Variants in CYREN observed in about 807,000 individuals in gnomAD.
CYREN encodes the protein cell cycle regulator of NHEJ.
CYREN carries 7 observed loss-of-function variants against 9.7 expected under a neutral mutation model. That is an observed-to-expected ratio of 0.72 (90% CI 0.41 to 1.36). CYREN has a LOEUF of 1.36. CYREN is among the 40% of genes most tolerant of loss of function. The pLI is 0.01. For missense variants in CYREN, 215 were observed against 198.1 expected (o/e 1.09, Z -0.51); for synonymous variants, 76 against 77.9 (o/e 0.98, Z 0.13).
intron 2 of CYREN, among the ~76,000 whole-genome samples, chr7:135,096,327 A>T (rs557085277): frequency 6.6e-6 from 1 of 151,918 alleles, no homozygotes; most frequent in Non-Finnish European, 1.5e-5. Context: ...TGTCACCAAA[A>T]AAGAAAAAGA....
At chr7:135,161,789 G>T (rs991298236), downstream of CYREN, among the ~76,000 whole-genome samples, 1 of 152,156 alleles carries the variant, frequency 6.6e-6, no homozygotes, top group African/African-American at 2.4e-5. This position sits in a 1 kb window ranked among gnomAD's most constrained non-coding sequence, Gnocchi z 4.1. Context: ...CTTTGACAGT[G>T]CCACCCAAGG....
At chr7:135,147,309 C>A (rs981398107) in intron 2 of CYREN, among the ~76,000 whole-genome samples, 1 of 152,070 alleles carries the variant, frequency 6.6e-6, no homozygotes, top group Admixed American at 6.6e-5. Flanking sequence ...GAACTAGGGG[C>A]AGGGGGAGGG....
At chr7:135,097,349 A>G (rs1329387633) in intron 2 of CYREN, among the ~76,000 whole-genome samples, 1 of 152,108 alleles carries the variant, frequency 6.6e-6, no homozygotes, top group African/African-American at 2.4e-5. Context: ...AAAAATCCCC[A>G]TGGCTTTTAG....
chr7:135,151,050 G>C lies in CYREN; in HGVS notation n.356+17699C>G, dbSNP rs898454579. Among the ~76,000 whole-genome samples the C allele has an allele frequency of 6.6e-6, 1 of 152,204 alleles. No homozygotes were observed. On this transcript the variant is annotated intron_variant and non_coding_transcript_variant, in intron 2 of 2. Coordinates refer to the CYREN transcript ENST00000459937. This position sits in a 1 kb window ranked among gnomAD's most constrained non-coding sequence, Gnocchi z 4.3. ...ATTTAAACAGCTATCTCAATGGCTT[G>C]TCATCTGGGTGCCTGGACTCATGCT... is the stretch of plus-strand genomic sequence containing the variant.
chr7:135,167,341 T>G, intron 3 of CYREN: 1 of 1,083,508 alleles, frequency 9.2e-7, no homozygotes, highest in East Asian at 6.9e-5. Context: ...TGCAGGAAGC[T>G]AGGAAGCTCA....
rs189972206 is a variant in CYREN at position 135,099,460 on chromosome 7, A to G, written n.357-4878T>C. 3.0e-4 allele frequency among the ~76,000 whole-genome samples: 46 copies of G among 152,312 alleles called. 1 individual carries two copies. Among genetic ancestry groups the G allele is most frequent in the Admixed American group, 1.8e-3 (28 of 15,304 alleles). On this transcript the variant is annotated intron_variant and non_coding_transcript_variant, in intron 2 of 2. Coordinates refer to the CYREN transcript ENST00000459937. Reference sequence around the variant, plus strand: ...TATGAAGTAATTGTCAAGAAAGTTAAAAATTAAGTTTTATTGATTTTTAAG... The same window carrying G: ...TATGAAGTAATTGTCAAGAAAGTTAGAAATTAAGTTTTATTGATTTTTAAG...
chr7:135,168,306 C>CCCCCCCT (rs1830374323), intron 2 of CYREN: 1 of 89,720 alleles, frequency 1.1e-5, no homozygotes, highest in African/African-American at 4.2e-5. Context: ...CCCCCCGCCC[C>CCCCCCCT]CCCCCGGCAA....
At chr7:135,141,771 G>T (rs1266426727) in intron 2 of CYREN, among the ~76,000 whole-genome samples, 2 of 152,070 alleles carry the variant, frequency 1.3e-5, no homozygotes, top group East Asian at 3.9e-4. Flanking sequence ...TAGTTTCAAA[G>T]AATTTCTTGA....
At chr7:135,171,336 A>G (rs1304025221), upstream of CYREN, among the ~76,000 whole-genome samples, 4 of 135,420 alleles carry the variant, frequency 3.0e-5, no homozygotes, top group Non-Finnish European at 4.8e-5. Context: ...TAAAAAAAAA[A>G]GGAAGTGAAA....
chr7:135,134,816 T>G, intron 2 of CYREN: 2 of 1,541,806 alleles, frequency 1.3e-6, no homozygotes, highest in Non-Finnish European at 1.8e-6. Context: ...TGGACAAAAA[T>G]TCACGTATTT....
chr7:135,123,048 G>T (rs181253898), intron 2 of CYREN, among the ~76,000 whole-genome samples: 1 of 151,680 alleles, frequency 6.6e-6, no homozygotes, highest in African/African-American at 2.4e-5. Flanking sequence ...GGATGAGACA[G>T]ACAAATTGAC....
At chr7:135,135,382 T>C (rs1585324877) in intron 2 of CYREN, 2 of 792,518 alleles carry the variant, frequency 2.5e-6, no homozygotes, top group East Asian at 3.0e-5. Context: ...CACATGCATA[T>C]GCATAAACTA....
chr7:135,169,779 C>T (rs1830512975), intron 1 of CYREN, among the ~76,000 whole-genome samples: 1 of 152,216 alleles, frequency 6.6e-6, no homozygotes, highest in South Asian at 2.1e-4. Flanking sequence ...ACTTAGGAAT[C>T]AAGCCAGAAG....
At chr7:135,103,892 T>G (rs896799309) in intron 2 of CYREN, among the ~76,000 whole-genome samples, 6 of 152,182 alleles carry the variant, frequency 3.9e-5, no homozygotes, top group African/African-American at 1.4e-4. Flanking sequence ...TTTTTTTTAA[T>G]GTAAGGATGT....
At chr7:135,172,452 A>G (rs1830700452), upstream of CYREN, among the ~76,000 whole-genome samples, 1 of 103,494 alleles carries the variant, frequency 9.7e-6, no homozygotes, top group African/African-American at 3.4e-5. Flanking sequence ...GTGTGGTGTG[A>G]GCGTGGTATT....
At chr7:135,165,015 C>A (rs374720338), downstream of CYREN, 11 of 1,558,220 alleles carry the variant, frequency 7.1e-6, no homozygotes, top group Non-Finnish European at 9.6e-6. Flanking sequence ...TACGTGATTG[C>A]AAGGGTTCAG....
chr7:135,154,459 T>C (rs1253046578), intron 2 of CYREN, among the ~76,000 whole-genome samples: 1 of 152,212 alleles, frequency 6.6e-6, no homozygotes, highest in Non-Finnish European at 1.5e-5. Flanking sequence ...TGTTAATTTG[T>C]GATCTTTCTA....
At chr7:135,104,590 G>A (rs1824365195) in intron 2 of CYREN, among the ~76,000 whole-genome samples, 1 of 152,074 alleles carries the variant, frequency 6.6e-6, no homozygotes, top group African/African-American at 2.4e-5. Context: ...GCCGGCATTT[G>A]TTATTTTTTG....
At chr7:135,134,798 G>A (rs1327567921) in intron 2 of CYREN, 3 of 1,514,766 alleles carry the variant, frequency 2.0e-6, no homozygotes, top group Non-Finnish European at 2.7e-6. Flanking sequence ...TACAAAGTAG[G>A]TCCATGATGG....
Sources: gnomAD v4.1 joint callset for allele counts (sites outside exome capture counted in the v4.1 genomes callset) on GRCh38, gnomAD v4.1.1 for gene constraint, Gnocchi (gnomAD v3.1) non-coding constraint, MANE v1.5 for transcripts, NCBI Gene and HGNC (gene_info 2026-07-23, HGNC 2026-07-21) for gene names.